Variants in ARHGAP28 observed in about 807,000 individuals in gnomAD.
ARHGAP28 encodes the protein rho GTPase-activating protein 28.
In ARHGAP28, 56 loss-of-function variants were observed where a neutral mutation model predicts 90.7. The observed-to-expected ratio is 0.62, with a 90% CI of 0.50 to 0.77. The LOEUF (loss-of-function observed/expected upper bound fraction) is 0.77, where lower values mean the gene tolerates loss of function less well. Ranked by LOEUF, ARHGAP28 falls within the 30% of genes least tolerant of loss-of-function variation. The pLI is 0.00. For missense variants in ARHGAP28, 869 were observed against 900.9 expected (o/e 0.96, Z 0.45); for synonymous variants, 308 against 323.3 (o/e 0.95, Z 0.51).
chr18:6,761,146 A>G (rs1201196443), intron 1 of ARHGAP28, among the ~76,000 whole-genome samples: 2 of 151,456 alleles, frequency 1.3e-5, no homozygotes, highest in Non-Finnish European at 2.9e-5. Context: ...GGTTAGTAGC[A>G]TCTTAGAGAT....
At chr18:6,839,593 G>T (rs149764610) in intron 3 of ARHGAP28, among the ~76,000 whole-genome samples, 2 of 152,090 alleles carry the variant, frequency 1.3e-5, no homozygotes, top group Non-Finnish European at 2.9e-5. Flanking sequence ...CACTGCGCCC[G>T]GCCATAATTT....
chr18:6,868,331 A>C, intron 6 of ARHGAP28, 97 bp downstream of exon 6: 1 of 1,072,140 alleles, frequency 9.3e-7, no homozygotes, highest in Non-Finnish European at 1.4e-6. Context: ...AGCGAAGTAT[A>C]AGTGTGCTTT....
intron 11 of ARHGAP28, among the ~76,000 whole-genome samples, chr18:6,883,419 A>G (rs1041718417): frequency 4.6e-5 from 7 of 152,134 alleles, no homozygotes; most frequent in Middle Eastern, 3.4e-3. Context: ...TTGTATTTTT[A>G]GTAGAGACGG....
chr18:6,887,967 G>A (rs1240492727), intron 12 of ARHGAP28, among the ~76,000 whole-genome samples: 4 of 152,194 alleles, frequency 2.6e-5, no homozygotes, highest in African/African-American at 4.8e-5. Flanking sequence ...TCTGATGAGC[G>A]TCCTCAGGGA....
chr18:6,906,518 C>T (rs186070857), intron 16 of ARHGAP28, among the ~76,000 whole-genome samples: 1 of 152,104 alleles, frequency 6.6e-6, no homozygotes, highest in South Asian at 2.1e-4. Flanking sequence ...ACTACAAAAG[C>T]AATTTGATGG....
At chr18:6,763,643 G>C (rs1439686947) in intron 1 of ARHGAP28, among the ~76,000 whole-genome samples, 1 of 152,188 alleles carries the variant, frequency 6.6e-6, no homozygotes, top group Non-Finnish European at 1.5e-5. Flanking sequence ...CCTACGTCTG[G>C]AATTTTTTTC....
At chr18:6,838,101 G>C (rs1186444774) in intron 3 of ARHGAP28, among the ~76,000 whole-genome samples, 1 of 152,174 alleles carries the variant, frequency 6.6e-6, no homozygotes, top group Non-Finnish European at 1.5e-5. Context: ...CAATTGCAAT[G>C]TTACATTACA....
intron 1 of ARHGAP28, among the ~76,000 whole-genome samples, chr18:6,809,674 T>C (rs1312495054): frequency 6.6e-6 from 1 of 152,074 alleles, no homozygotes; most frequent in Non-Finnish European, 1.5e-5. Flanking sequence ...TCATGAAACA[T>C]CGCTAGGGAG....
intron 11 of ARHGAP28, 85 bp from the exon 12 acceptor site, chr18:6,887,072 C>A: frequency 8.0e-7 from 1 of 1,247,750 alleles, no homozygotes; most frequent in Non-Finnish European, 1.2e-6. Context: ...AGGAGCCCTC[C>A]TGTGCCACCA....
chr18:6,811,556 C>T (rs1326339820), intron 1 of ARHGAP28, among the ~76,000 whole-genome samples: 2 of 152,110 alleles, frequency 1.3e-5, no homozygotes, highest in Non-Finnish European at 2.9e-5. Context: ...TACAGTAGAC[C>T]TTAACTAGTC....
At chr18:6,819,326 A>G (rs73941121) in intron 1 of ARHGAP28, among the ~76,000 whole-genome samples, 2,192 of 152,280 alleles carry the variant, frequency 0.014, 49 homozygotes, top group African/African-American at 0.05. Context: ...CAGCTAGAAA[A>G]AAAAAGGAAT....
Position 6,869,582 on chromosome 18 carries a change from T to A in ARHGAP28, c.812-1008T>A, listed in dbSNP as rs142677206. Among the ~76,000 whole-genome samples the A allele has an allele frequency of 3.9e-3, 591 of 152,222 alleles. 5 individuals are homozygous for A. The highest frequency in any genetic ancestry group is 0.013 in the African/African-American group (548 of 41,540). Reference sequence around the variant, plus strand: ...GGCGTCCCTTTGCTATTTTCTAAGTTCTCGCTGCACTCATTTATTATTGTG... The same window carrying A: ...GGCGTCCCTTTGCTATTTTCTAAGTACTCGCTGCACTCATTTATTATTGTG... On this transcript the variant is annotated intron_variant, in intron 6 of 17. Coordinates refer to ENST00000383472, the MANE Select transcript of ARHGAP28 (RefSeq NM_001366230.1).
At chr18:6,872,364 T>C (rs2057096624) in intron 7 of ARHGAP28, among the ~76,000 whole-genome samples, 1 of 152,242 alleles carries the variant, frequency 6.6e-6, no homozygotes, top group African/African-American at 2.4e-5. Context: ...GCACAAGGCA[T>C]GCCCCAAGCC....
At chr18:6,787,480 C>A (rs896755592) in intron 1 of ARHGAP28, among the ~76,000 whole-genome samples, 1 of 152,050 alleles carries the variant, frequency 6.6e-6, no homozygotes, top group Non-Finnish European at 1.5e-5. Flanking sequence ...GGGAAAACTT[C>A]TTTCATGTAG....
intron 4 of ARHGAP28, among the ~76,000 whole-genome samples, chr18:6,857,592 C>T (rs1218341381): frequency 6.6e-6 from 1 of 152,160 alleles, no homozygotes; most frequent in Admixed American, 6.6e-5. Context: ...CTGACCATGA[C>T]TATCAATCTG....
chr18:6,817,574 G>A (rs535330126), intron 1 of ARHGAP28, among the ~76,000 whole-genome samples: 2 of 152,206 alleles, frequency 1.3e-5, no homozygotes, highest in Admixed American at 6.5e-5. Context: ...TTAAAAATAG[G>A]CATTTATTTT....
chr18:6,759,116 C>CGG (rs2056137529), intron 1 of ARHGAP28, among the ~76,000 whole-genome samples: 1 of 152,054 alleles, frequency 6.6e-6, no homozygotes. Context: ...ATTATTTCAC[C>CGG]GTTGATACCT....
chr18:6,825,382 TAGC>T (rs1045182300), intron 2 of ARHGAP28, among the ~76,000 whole-genome samples: 67 of 152,338 alleles, frequency 4.4e-4, no homozygotes, highest in African/African-American at 1.6e-3. Context: ...AGAGAAATTT[TAGC>T]AGTATAATTG....
chr18:6,730,217 ATG>A lies in ARHGAP28; in HGVS notation c.122+278_122+279del, dbSNP rs1274270319. On this transcript the variant is annotated intron_variant, in intron 1 of 17. Transcript: ENST00000383472. The stretch of plus-strand genomic sequence containing the variant: ...TCTTGATACGATTTGAGGATAAGTC[ATG>A]TGTATATATATATATATACCTCATT... 185 of 123,348 alleles carry A rather than the reference ATG, an allele frequency of 1.5e-3. 9 individuals carry two copies. Among genetic ancestry groups the A allele is most frequent in the East Asian group, 2.4e-3 (18 of 7,410 alleles). The allele number at this position is 123,348 out of a possible 1,614,324, so 7.6% of individuals were successfully genotyped here. A position where few individuals can be genotyped will look rare whatever the true frequency, so the allele number is the denominator to read the frequency against.
Sources: allele counts gnomAD v4.1 joint callset (sites outside exome capture counted in the v4.1 genomes callset), GRCh38; gene constraint gnomAD v4.1.1; transcripts MANE v1.5; gene names NCBI Gene and HGNC (gene_info 2026-07-23, HGNC 2026-07-21).